The following PCDHA6 variants were observed in gnomAD, a reference collection of about 807,000 sequenced individuals.
PCDHA6 encodes the protein protocadherin alpha-6.
PCDHA6 carries 55 observed loss-of-function variants against 60.3 expected under a neutral mutation model. That is an observed-to-expected ratio of 0.91 (90% CI 0.73 to 1.14). The LOEUF is 1.14. Ranked by LOEUF, PCDHA6 falls within the 50% of genes most tolerant of loss-of-function variation. PCDHA6 has a pLI of 0.00. For missense variants in PCDHA6, 1,327 were observed against 1,256.5 expected (o/e 1.06, Z -0.85); for synonymous variants, 652 against 557.9 (o/e 1.17, Z -2.38).
intron 1 of PCDHA6, among the ~76,000 whole-genome samples, chr5:140,963,686 G>A (rs181667037): frequency 2.7e-4 from 41 of 152,226 alleles, no homozygotes; most frequent in Middle Eastern, 3.4e-3. Flanking sequence ...GTGTTTATCC[G>A]TGTTTGATAT....
chr5:140,830,370 C>G lies in PCDHA6; in HGVS notation c.2279C>G (p.Ser760Cys). ...YSQQRRQRVC[S>C]GEGPPKMDLM... The stretch of plus-strand genomic sequence containing the variant: ...CAGCAGAGGCGGCAGAGGGTGTGCT[C>G]CGGGGAGGGCCCACCCAAGATGGAT... Residue 760 changes from serine to cysteine, a missense_variant, in exon 1 of 4, where the codon TCC (serine) becomes TGC (cysteine). Coordinates refer to ENST00000529310, the MANE Select transcript of PCDHA6 (RefSeq NM_018909.4). 2.5e-6 allele frequency: 4 copies of G among 1,614,132 alleles called. No individual in the cohort carries two copies. Among genetic ancestry groups the G allele is most frequent in the Non-Finnish European group, 3.4e-6 (4 of 1,179,998 alleles).
At position 140,875,993 on chromosome 5, in the gene PCDHA6, T is replaced by G. The variant is rs574636926; in HGVS notation, c.2394+45508T>G. On this transcript the variant is annotated intron_variant, in intron 1 of 3. Coordinates refer to ENST00000529310, the MANE Select transcript of PCDHA6 (RefSeq NM_018909.4). The stretch of plus-strand genomic sequence containing the variant: ...TCTCTTTTGACCTATGCGTTAAGTC[T>G]AAATGAGAATTTTGAGCTTAAAATA... The G allele has an allele frequency of 3.5e-4, 564 of 1,613,988 alleles. 6 individuals are homozygous for G. In the South Asian group the frequency reaches 5.9e-3, roughly 17 times the overall value.
chr5:140,871,223 C>G (rs1009797322), intron 1 of PCDHA6: 6 of 1,613,892 alleles, frequency 3.7e-6, no homozygotes, highest in Non-Finnish European at 3.4e-6. Context: ...TGCGTGGTGT[C>G]CAGCCTCCTG....
intron 1 of PCDHA6, among the ~76,000 whole-genome samples, chr5:140,920,387 A>C (rs1163833842): frequency 6.6e-6 from 1 of 152,216 alleles, no homozygotes; most frequent in East Asian, 1.9e-4. Flanking sequence ...TCATATTACC[A>C]TCTGGTGTCT....
chr5:140,877,173 G>A (rs1292615979), intron 1 of PCDHA6: 3 of 1,613,710 alleles, frequency 1.9e-6, no homozygotes, highest in Non-Finnish European at 2.5e-6. Flanking sequence ...CACTGCTGGC[G>A]ACTCCGGCTG....
intron 1 of PCDHA6, chr5:140,882,806 T>A: frequency 6.2e-7 from 1 of 1,614,218 alleles, no homozygotes; most frequent in Non-Finnish European, 8.5e-7. Flanking sequence ...TTATTTCACT[T>A]TGGACGCACA....
intron 1 of PCDHA6, among the ~76,000 whole-genome samples, chr5:140,934,050 C>G (rs558726288): frequency 6.6e-6 from 1 of 151,834 alleles, no homozygotes; most frequent in African/African-American, 2.4e-5. Flanking sequence ...TTAGTCTTTC[C>G]AAGGCTAACT....
At chr5:140,849,745 G>T (rs2150447816) in intron 1 of PCDHA6, 1 of 1,598,462 alleles carries the variant, frequency 6.3e-7, no homozygotes, top group Admixed American at 1.7e-5. Context: ...GACCGCGAGA[G>T]TGTGTCCGCC....
intron 1 of PCDHA6, chr5:140,882,076 G>A: frequency 1.1e-6 from 1 of 920,546 alleles, no homozygotes. Flanking sequence ...TGCGCATGGT[G>A]TCGCTCTTCA....
intron 1 of PCDHA6, among the ~76,000 whole-genome samples, chr5:140,945,495 C>A (rs1585197828): frequency 6.6e-6 from 1 of 152,022 alleles, no homozygotes; most frequent in East Asian, 1.9e-4. Context: ...ATACCCAAAG[C>A]AATATTGAGC....
intron 1 of PCDHA6, among the ~76,000 whole-genome samples, chr5:140,946,700 G>T (rs2094011625): frequency 6.7e-6 from 1 of 148,322 alleles, no homozygotes; most frequent in African/African-American, 2.5e-5. Flanking sequence ...GGATGAATCT[G>T]GAGGTCATTA....
intron 1 of PCDHA6, among the ~76,000 whole-genome samples, chr5:140,959,259 C>T (rs781794121): frequency 4.6e-5 from 7 of 152,040 alleles, no homozygotes; most frequent in African/African-American, 7.2e-5. Flanking sequence ...TGACTGTAGT[C>T]CCAGCTACCC....
Position 140,848,316 on chromosome 5 carries a change from G to T in PCDHA6, c.2394+17831G>T, listed in dbSNP as rs2150408504. 15 of 742,766 alleles carry T rather than the reference G, an allele frequency of 2.0e-5. 1 individual carries two copies. The highest frequency in any genetic ancestry group is 7.0e-5 in the African/African-American group (4 of 57,284). 46.0% of individuals were successfully genotyped at this position (742,766 alleles called of 1,614,324 possible). A position where few individuals can be genotyped will look rare whatever the true frequency, so the allele number is the denominator to read the frequency against. ...GCCACGTGATGTCACTCTTTGCCGC[G>T]ATGTTCTCTCTGAATCCAGACAAAT... On this transcript the variant is annotated intron_variant, in intron 1 of 3. Transcript: ENST00000529310.
At chr5:140,978,924 GA>G (rs781894146) in intron 1 of PCDHA6, 24 bp from the exon 2 acceptor site, 202 of 1,613,894 alleles carry the variant, frequency 1.3e-4, no homozygotes, top group Middle Eastern at 6.6e-4. Context: ...CATTTTAACA[GA>G]AAACTCTCTT....
rs1554204518 is a variant in PCDHA6 at position 140,927,427 on chromosome 5, G to A, written c.2395-51522G>A. Reference sequence around the variant, plus strand: ...CCTGGACATGGGATCGCGGGTTGACGGCAGCGAATACCCGGAGTTGGTGTT... The same window carrying A: ...CCTGGACATGGGATCGCGGGTTGACAGCAGCGAATACCCGGAGTTGGTGTT... On this transcript the variant is annotated intron_variant, in intron 1 of 3. Transcript: ENST00000529310. 1.2e-6 allele frequency: 2 copies of A among 1,614,114 alleles called. No homozygotes were observed. Among genetic ancestry groups the A allele is most frequent in the Non-Finnish European group, 1.7e-6 (2 of 1,179,974 alleles).
chr5:140,992,590 T>C (rs536991072), intron 3 of PCDHA6, among the ~76,000 whole-genome samples: 1 of 152,300 alleles, frequency 6.6e-6, no homozygotes, highest in East Asian at 1.9e-4. Flanking sequence ...TGTATGCATC[T>C]AGCGTCTGTG....
chr5:140,933,900 G>T (rs941556210), intron 1 of PCDHA6, among the ~76,000 whole-genome samples: 1 of 151,518 alleles, frequency 6.6e-6, no homozygotes, highest in South Asian at 2.1e-4. Flanking sequence ...GAATATTTTG[G>T]CATAAAGTTG....
intron 1 of PCDHA6, chr5:140,869,676 A>G (rs1264007224): frequency 6.2e-7 from 1 of 1,613,486 alleles, no homozygotes; most frequent in African/African-American, 1.3e-5. Flanking sequence ...AGATTAAAAG[A>G]CTGTCACTTA....
intron 1 of PCDHA6, among the ~76,000 whole-genome samples, chr5:140,897,430 C>T (rs1297820601): frequency 6.7e-6 from 1 of 148,618 alleles, no homozygotes; most frequent in Non-Finnish European, 1.5e-5. Context: ...TGAGTGAGAA[C>T]ATGCAGTGTT....
Sources: allele counts gnomAD v4.1 joint callset (sites outside exome capture counted in the v4.1 genomes callset), GRCh38; gene constraint gnomAD v4.1.1; transcripts MANE v1.5; gene names NCBI Gene and HGNC (gene_info 2026-07-23, HGNC 2026-07-21).